Variants in FANCC observed in about 807,000 individuals in gnomAD.
FANCC encodes Fanconi anemia group C protein.
Under a neutral mutation model 71.3 loss-of-function variants are expected in FANCC, and 55 were observed. That is an observed-to-expected ratio of 0.77 (90% CI 0.62 to 0.97). The LOEUF (loss-of-function observed/expected upper bound fraction) is 0.97. FANCC is among the 50% of genes least tolerant of loss of function. The pLI, the probability that FANCC is intolerant of heterozygous loss-of-function variation, is 0.00. For synonymous variants in FANCC, 275 were observed against 244.9 expected, an observed-to-expected ratio of 1.12 and a Z score of -1.15; for missense variants, 678 against 670.9, an observed-to-expected ratio of 1.01 and a Z score of -0.12.
chr9:95,162,356 G>C (rs1313270272), intron 6 of FANCC, among the ~76,000 whole-genome samples: 1 of 152,002 alleles, frequency 6.6e-6, no homozygotes, highest in African/African-American at 2.4e-5. Context: ...TCATTCGTCC[G>C]CTGATGGACA....
intron 6 of FANCC, among the ~76,000 whole-genome samples, chr9:95,155,458 T>G (rs1386619135): frequency 1.3e-5 from 2 of 152,216 alleles, no homozygotes; most frequent in East Asian, 3.9e-4. Flanking sequence ...CATTAAAAAC[T>G]AATCATCCTT....
intron 1 of FANCC, among the ~76,000 whole-genome samples, chr9:95,313,852 C>T (rs541733893): frequency 6.6e-6 from 1 of 152,254 alleles, no homozygotes; most frequent in South Asian, 2.1e-4. Context: ...CCACAGTCAT[C>T]TCAATAGATG....
intron 6 of FANCC, among the ~76,000 whole-genome samples, chr9:95,166,762 G>A (rs1831091937): frequency 6.6e-6 from 1 of 152,148 alleles, no homozygotes; most frequent in Admixed American, 6.5e-5. Flanking sequence ...TTTACTATGG[G>A]ACTGGAGCAT....
intron 4 of FANCC, among the ~76,000 whole-genome samples, chr9:95,178,945 A>C (rs1826178142): frequency 6.6e-6 from 1 of 152,222 alleles, no homozygotes; most frequent in Non-Finnish European, 1.5e-5. Context: ...ACTTTATAAG[A>C]CATCGACTTC....
chr9:95,316,650 C>CA (rs1381856738), intron 1 of FANCC, among the ~76,000 whole-genome samples: 2 of 152,222 alleles, frequency 1.3e-5, no homozygotes, highest in Non-Finnish European at 1.5e-5. Flanking sequence ...CAGGCACATA[C>CA]AGGACTTTGC....
intron 1 of FANCC, among the ~76,000 whole-genome samples, chr9:95,285,325 A>G (rs969613947): frequency 2.6e-5 from 4 of 152,150 alleles, no homozygotes; most frequent in African/African-American, 9.7e-5. Context: ...CAAACTGAAA[A>G]TAGAATGCCA....
chr9:95,199,735 G>C lies in FANCC; in HGVS notation c.346-27588C>G, dbSNP rs573864916. On this transcript the variant is annotated intron_variant, in intron 4 of 14. Transcript: ENST00000289081. ...AGTCCAAGGATGAGTGTTTACAGTA[G>C]TGACTTCCAGAGTTCTGAAAGGTAT... Among the ~76,000 whole-genome samples the C allele has an allele frequency of 1.5e-4, 23 of 152,314 alleles. No individual in the cohort carries two copies. In the South Asian group the frequency reaches 4.8e-3, roughly 32 times the overall value.
At chr9:95,271,438 C>A (rs1832708717) in intron 1 of FANCC, among the ~76,000 whole-genome samples, 1 of 152,118 alleles carries the variant, frequency 6.6e-6, no homozygotes, top group African/African-American at 2.4e-5. Flanking sequence ...ACAGAGGAGG[C>A]AGCAAAGTGA....
At chr9:95,267,720 T>A (rs1301255962) in intron 1 of FANCC, among the ~76,000 whole-genome samples, 1 of 152,150 alleles carries the variant, frequency 6.6e-6, no homozygotes, top group East Asian at 1.9e-4. Context: ...TTAAGGTGAT[T>A]TTTAAAACCA....
intron 1 of FANCC, among the ~76,000 whole-genome samples, chr9:95,287,071 A>C (rs1206434305): frequency 6.6e-6 from 1 of 152,144 alleles, no homozygotes; most frequent in East Asian, 1.9e-4. Context: ...AAGGACAATT[A>C]TAAGCACCGT....
intron 1 of FANCC, among the ~76,000 whole-genome samples, chr9:95,291,665 A>T (rs1453245057): frequency 6.6e-6 from 1 of 152,000 alleles, no homozygotes; most frequent in Non-Finnish European, 1.5e-5. Context: ...ATTTGTATGG[A>T]GGCTGGGCAC....
At chr9:95,165,638 A>G (rs1234023441) in intron 6 of FANCC, among the ~76,000 whole-genome samples, 29 of 152,060 alleles carry the variant, frequency 1.9e-4, no homozygotes, top group Admixed American at 1.9e-3. Context: ...GTGGTCAGAA[A>G]AAATAGTTAC....
At chr9:95,199,993 C>G (rs1394112508) in intron 4 of FANCC, among the ~76,000 whole-genome samples, 2 of 152,118 alleles carry the variant, frequency 1.3e-5, no homozygotes, top group African/African-American at 4.8e-5. Context: ...AGTATAGCTA[C>G]TGATAATAAT....
intron 4 of FANCC, among the ~76,000 whole-genome samples, chr9:95,224,428 T>C (rs1337838945): frequency 6.6e-6 from 1 of 152,048 alleles, no homozygotes; most frequent in Admixed American, 6.6e-5. Context: ...GAGTTGTGAA[T>C]AGTTAACAAG....
intron 13 of FANCC, chr9:95,110,633 C>CA (rs2071841703): frequency 9.6e-7 from 1 of 1,043,106 alleles, no homozygotes; most frequent in Non-Finnish European, 1.2e-6. Context: ...AATACGCAGA[C>CA]ATCTTTATTA....
intron 4 of FANCC, among the ~76,000 whole-genome samples, chr9:95,223,748 G>A (rs958277541): frequency 2.6e-5 from 4 of 152,088 alleles, no homozygotes; most frequent in South Asian, 2.1e-4. Context: ...AGGCCAAGGC[G>A]GGTGGATCAC....
chr9:95,277,334 T>C (rs1454323223), intron 1 of FANCC, among the ~76,000 whole-genome samples: 5 of 152,234 alleles, frequency 3.3e-5, no homozygotes, highest in African/African-American at 7.2e-5. Context: ...ACATAATGTA[T>C]GCATATTTCA....
chr9:95,104,884 C>G (rs2071321195), intron 14 of FANCC, among the ~76,000 whole-genome samples: 1 of 152,192 alleles, frequency 6.6e-6, no homozygotes, highest in Admixed American at 6.5e-5. Context: ...CCATAAGCAC[C>G]TTCCCACTGT....
chr9:95,216,219 TAAAAAC>T (rs1410241487), intron 4 of FANCC, among the ~76,000 whole-genome samples: 1 of 151,998 alleles, frequency 6.6e-6, no homozygotes, highest in African/African-American at 2.4e-5. Context: ...AAAGCAGACT[TAAAAAC>T]AAAAAGTATT....
Sources: allele counts gnomAD v4.1 joint callset (sites outside exome capture counted in the v4.1 genomes callset), GRCh38; gene constraint gnomAD v4.1.1; transcripts MANE v1.5; gene names NCBI Gene and HGNC (gene_info 2026-07-23, HGNC 2026-07-21).